Variants in LONP2 observed in about 807,000 individuals in gnomAD.
The protein encoded by LONP2 is lon peptidase 2, peroxisomal.
A neutral mutation model predicts 85.6 loss-of-function variants in LONP2; 60 were observed. The observed-to-expected ratio is 0.70, with a 90% CI of 0.57 to 0.87. LONP2 has a LOEUF of 0.87. Ranked by LOEUF, LONP2 falls within the 40% of genes least tolerant of loss-of-function variation. The pLI, the probability that LONP2 is intolerant of heterozygous loss-of-function variation, is 0.00. For missense variants in LONP2, 860 were observed against 1,063.5 expected (o/e 0.81, Z 2.66); for synonymous variants, 395 against 389.7 (o/e 1.01, Z -0.16).
intron 11 of LONP2, among the ~76,000 whole-genome samples, chr16:48,329,521 A>T (rs1959369061): frequency 6.6e-6 from 1 of 152,172 alleles, no homozygotes; most frequent in South Asian, 2.1e-4. Context: ...TTATTTTATT[A>T]GTATTGTTGT....
intron 11 of LONP2, among the ~76,000 whole-genome samples, chr16:48,321,064 G>A (rs1361381918): frequency 6.6e-6 from 1 of 152,076 alleles, no homozygotes; most frequent in Non-Finnish European, 1.5e-5. Flanking sequence ...CCCTAGAGTA[G>A]CTGGGACCAC....
intron 12 of LONP2, chr16:48,336,464 G>T: frequency 2.2e-6 from 1 of 456,124 alleles, no homozygotes; most frequent in Non-Finnish European, 4.4e-6. Flanking sequence ...CAGGCTTTGT[G>T]TGAGCAACAA....
At chr16:48,252,586 C>T (rs959144944) in intron 2 of LONP2, among the ~76,000 whole-genome samples, 1 of 152,186 alleles carries the variant, frequency 6.6e-6, no homozygotes, top group African/African-American at 2.4e-5. Context: ...AATGTTATTT[C>T]TACAGCTTTC....
intron 11 of LONP2, among the ~76,000 whole-genome samples, chr16:48,311,447 T>G (rs1046285548): frequency 2.7e-4 from 41 of 151,812 alleles, no homozygotes; most frequent in African/African-American, 8.2e-4. Flanking sequence ...TAGTCTGTTG[T>G]TGAAGCTTTC....
chr16:48,312,861 G>C (rs1973063321), intron 11 of LONP2, among the ~76,000 whole-genome samples: 1 of 152,142 alleles, frequency 6.6e-6, no homozygotes, highest in South Asian at 2.1e-4. Flanking sequence ...GGTATCTCAG[G>C]TACCGAGCTG....
Position 48,261,538 on chromosome 16 carries a change from TC to T in LONP2, c.839del (p.Ser280LeufsTer15). Reference protein sequence around the residue: ...IVMLEKKIRTSSMPEQAHKVC... With the variant: ...IVMLEKKIRTXSMPEQAHKVC... ...CATGCTAGAGAAAAAAATACGAACA[TC>T]TAGTATGCCAGAGCAGGCCCATAAA... is the stretch of plus-strand genomic sequence containing the variant. On this transcript the variant is annotated frameshift_variant, in exon 5 of 15. Coordinates refer to ENST00000285737, the MANE Select transcript of LONP2 (RefSeq NM_031490.5). LOFTEE classifies it high-confidence loss of function. 2 of 1,606,746 alleles carry T rather than the reference TC, an allele frequency of 1.2e-6. No homozygotes were observed. The highest frequency in any genetic ancestry group is 1.7e-6 in the Non-Finnish European group (2 of 1,177,022).
chr16:48,265,041 T>C (rs1971961896), intron 6 of LONP2, among the ~76,000 whole-genome samples: 1 of 152,206 alleles, frequency 6.6e-6, no homozygotes, highest in Non-Finnish European at 1.5e-5. Context: ...ATTTCCCTGA[T>C]GATTAGTCAT....
In LONP2 at chr16:48,362,681, C is replaced by T. The variant is rs1168315258; in HGVS notation, c.*818C>T. 2 of 446,280 alleles carry T rather than the reference C, an allele frequency of 4.5e-6. No individual in the cohort carries two copies. The highest frequency in any genetic ancestry group is 8.4e-6 in the Non-Finnish European group (2 of 239,022). The allele number at this position is 446,280 out of a possible 1,614,324, so 27.6% of individuals were successfully genotyped here. On this transcript the variant is annotated 3_prime_UTR_variant, in exon 5 of 5. Transcript: ENST00000565867. This position sits in a 1 kb window ranked among gnomAD's most constrained non-coding sequence, Gnocchi z 4.2. Reference sequence around the variant, plus strand: ...GGAAAACATGTGGAACTCCCTTAATCGTCTTTGGATAGACTACATAGAATA... The same window carrying T: ...GGAAAACATGTGGAACTCCCTTAATTGTCTTTGGATAGACTACATAGAATA...
rs1354071295 is a variant in LONP2 at position 48,354,827 on chromosome 16, T to C, written c.*3025T>C. The C allele has an allele frequency of 6.6e-6, 1 of 152,234 alleles. No homozygotes were observed. Among genetic ancestry groups the C allele is most frequent in the African/African-American group, 2.4e-5 (1 of 41,454 alleles). 9.4% of individuals were successfully genotyped at this position (152,234 alleles called of 1,614,324 possible). A position where few individuals can be genotyped will look rare whatever the true frequency, so the allele number is the denominator to read the frequency against. ...GGTAGGGATGAACCTCTTCCTCCTTTGCCACTTTAGCTTTAGCTCAAAGGA... is the reference window on the plus strand; with the variant it reads ...GGTAGGGATGAACCTCTTCCTCCTTCGCCACTTTAGCTTTAGCTCAAAGGA... On this transcript the variant is annotated 3_prime_UTR_variant, in exon 15 of 15. Coordinates refer to ENST00000285737, the MANE Select transcript of LONP2 (RefSeq NM_031490.5).
Position 48,262,774 on chromosome 16 carries a change from A to G in LONP2, c.888-4A>G. 1.3e-6 allele frequency: 2 copies of G among 1,597,952 alleles called. No individual in the cohort carries two copies. The highest frequency in any genetic ancestry group is 1.7e-6 in the Non-Finnish European group (2 of 1,168,334). ...CATGTTTGCTGTGTATTCTTTCTCC[A>G]CAGACTCAAAAAAATGCCTCAGTCA... On this transcript the variant is annotated splice_region_variant and splice_polypyrimidine_tract_variant and intron_variant, in intron 5 of 14. Transcript: ENST00000285737.
chr16:48,267,484 GAGAC>G (rs1972014398), intron 6 of LONP2, among the ~76,000 whole-genome samples: 1 of 152,122 alleles, frequency 6.6e-6, no homozygotes, highest in African/African-American at 2.4e-5. Flanking sequence ...ATTTTTAGTA[GAGAC>G]AGGGTTTCAC....
intron 6 of LONP2, 48 bp from the exon 7 acceptor site, chr16:48,269,968 C>G (rs2150976549): frequency 6.4e-7 from 1 of 1,558,568 alleles, no homozygotes; most frequent in Non-Finnish European, 8.6e-7. Context: ...AGTTCTTTAA[C>G]TTAAAAATTT....
chr16:48,270,860 G>T (rs1340691276), intron 7 of LONP2, among the ~76,000 whole-genome samples: 1 of 152,170 alleles, frequency 6.6e-6, no homozygotes, highest in African/African-American at 2.4e-5. Flanking sequence ...GGGCACAGTG[G>T]CTCATGCCTG....
chr16:48,296,602 C>T (rs770443757), intron 9 of LONP2, among the ~76,000 whole-genome samples: 2 of 151,954 alleles, frequency 1.3e-5, no homozygotes, highest in Admixed American at 6.6e-5. Context: ...TGGCGGGCGC[C>T]TGTAGTCCCA....
chr16:48,267,101 T>C (rs910642973), intron 6 of LONP2, among the ~76,000 whole-genome samples: 5 of 152,214 alleles, frequency 3.3e-5, no homozygotes, highest in African/African-American at 1.2e-4. Context: ...TGAGATGCCA[T>C]GTGTGTCAGC....
intron 10 of LONP2, 152 bp from the exon 11 acceptor site, chr16:48,303,020 A>C: frequency 1.5e-6 from 1 of 650,282 alleles, no homozygotes; most frequent in Non-Finnish European, 2.6e-6. Flanking sequence ...AATAACAATA[A>C]TGAGGAGTTT....
downstream of LONP2, among the ~76,000 whole-genome samples, chr16:48,358,998 G>GT (rs905673605): frequency 1.3e-5 from 2 of 152,068 alleles, no homozygotes; most frequent in Non-Finnish European, 2.9e-5. Flanking sequence ...AATATGTTTT[G>GT]TTTTTTGAGC....
In LONP2 at chr16:48,244,346, G is replaced by C. The variant is rs202189639; in HGVS notation, c.-43G>C. 5.6e-5 allele frequency: 80 copies of C among 1,427,302 alleles called. No homozygotes were observed. In the East Asian group the frequency reaches 7.9e-4, roughly 14 times the overall value. 88.4% of individuals were successfully genotyped at this position (1,427,302 alleles called of 1,614,324 possible). On this transcript the variant is annotated 5_prime_UTR_variant, in exon 1 of 15. Transcript: ENST00000285737. ...CGGGGCAGGCCGGGGGCAGCTGTCT[G>C]TCTGGCTCTTTTTGACAGCCCCCAG...
At chr16:48,297,153 A>G (rs886177684) in intron 9 of LONP2, among the ~76,000 whole-genome samples, 1 of 151,784 alleles carries the variant, frequency 6.6e-6, no homozygotes, top group Non-Finnish European at 1.5e-5. Flanking sequence ...GATTACAGGC[A>G]CTCGTGACCA....
Sources: gnomAD v4.1 joint callset for allele counts (sites outside exome capture counted in the v4.1 genomes callset) on GRCh38, gnomAD v4.1.1 for gene constraint, Gnocchi (gnomAD v3.1) non-coding constraint, MANE v1.5 for transcripts, NCBI Gene and HGNC (gene_info 2026-07-23, HGNC 2026-07-21) for gene names.